The following PRKCQ variants were observed in gnomAD, a reference collection of about 807,000 sequenced individuals.
PRKCQ encodes the protein protein kinase C theta, also known as protein kinase C theta type.
PRKCQ carries 41 observed loss-of-function variants against 91.2 expected under a neutral mutation model. The ratio of observed to expected loss-of-function variants is 0.45; its 90% confidence interval spans 0.35 to 0.58. The LOEUF (loss-of-function observed/expected upper bound fraction) is 0.58, where lower values mean the gene tolerates loss of function less well. Ranked by LOEUF, PRKCQ falls within the 20% of genes least tolerant of loss-of-function variation. The pLI, the probability that PRKCQ is intolerant of heterozygous loss-of-function variation, is 0.00. For synonymous variants in PRKCQ, 307 were observed against 316.9 expected (o/e 0.97, Z 0.33); for missense variants, 673 against 896.5 (o/e 0.75, Z 3.18).
chr10:6,548,761 T>A (rs531293077), intron 1 of PRKCQ, among the ~76,000 whole-genome samples: 5 of 147,400 alleles, frequency 3.4e-5, no homozygotes, highest in African/African-American at 9.9e-5. Context: ...GAGGGATAGC[T>A]TTAGGAGATA....
chr10:6,513,554 A>T (rs750852701), intron 2 of PRKCQ, among the ~76,000 whole-genome samples: 2 of 152,152 alleles, frequency 1.3e-5, no homozygotes, highest in Non-Finnish European at 2.9e-5. Flanking sequence ...CGGCTTTGAA[A>T]AACTCAGACG....
chr10:6,434,978 G>C (rs1227195213), intron 16 of PRKCQ, among the ~76,000 whole-genome samples: 1 of 152,028 alleles, frequency 6.6e-6, no homozygotes, highest in African/African-American at 2.4e-5. Flanking sequence ...GCAGTGGCGC[G>C]ATCTCGGCTC....
In PRKCQ at chr10:6,531,269, G is replaced by A. The variant is rs546731301; in HGVS notation, c.-9-16125C>T. On this transcript the variant is annotated intron_variant, in intron 1 of 17. Coordinates refer to ENST00000263125, the MANE Select transcript of PRKCQ (RefSeq NM_006257.5). The stretch of plus-strand genomic sequence containing the variant: ...ACCAGGCCAGGCCAGCAGCTTTCTC[G>A]TTTCTATTTGCTCAGAATCCAGCAC... Among the ~76,000 whole-genome samples, 21 of 152,142 alleles carry A rather than the reference G, an allele frequency of 1.4e-4. No individual in the cohort carries two copies. In the South Asian group the frequency reaches 1.9e-3, roughly 14 times the overall value.
intron 1 of PRKCQ, among the ~76,000 whole-genome samples, chr10:6,518,655 C>G (rs1838870678): frequency 6.6e-6 from 1 of 152,006 alleles, no homozygotes; most frequent in African/African-American, 2.4e-5. Flanking sequence ...AACCCCCTCT[C>G]TACAAAAATA....
At chr10:6,405,802 G>A in the PRKCQ span, among the ~76,000 whole-genome samples, 8 of 152,200 alleles carry the variant, frequency 5.3e-5, no homozygotes, top group Non-Finnish European at 1.2e-4. Context: ...CGGGAGTGCT[G>A]GCTACTTTAT....
At chr10:6,426,518 T>C (rs188985460), downstream of PRKCQ, among the ~76,000 whole-genome samples, 79 of 152,314 alleles carry the variant, frequency 5.2e-4, no homozygotes, top group Non-Finnish European at 8.8e-4. Context: ...GTCATGGTGC[T>C]ATTTTCAGAA....
chr10:6,400,631 G>GAAA, the PRKCQ span, among the ~76,000 whole-genome samples: 17,882 of 135,952 alleles, frequency 0.13, 1,498 homozygotes, highest in Middle Eastern at 0.2. Flanking sequence ...CTTCCTTTCA[G>GAAA]AAAAAAAAAA....
chr10:6,394,999 G>C, the PRKCQ span, among the ~76,000 whole-genome samples: 2 of 151,016 alleles, frequency 1.3e-5, no homozygotes, highest in Non-Finnish European at 2.9e-5. Flanking sequence ...CAAGACGGGG[G>C]AATTGCAATA....
chr10:6,463,988 C>T (rs1250359509), intron 13 of PRKCQ, among the ~76,000 whole-genome samples: 1 of 151,800 alleles, frequency 6.6e-6, no homozygotes, highest in Non-Finnish European at 1.5e-5. Flanking sequence ...TCCCTGGGGA[C>T]CACCCTTGAG....
At chr10:6,529,720 G>C (rs1839323657) in intron 1 of PRKCQ, among the ~76,000 whole-genome samples, 1 of 152,180 alleles carries the variant, frequency 6.6e-6, no homozygotes, top group Non-Finnish European at 1.5e-5. Flanking sequence ...TTGGACAAGT[G>C]ACTTAATCTT....
chr10:6,571,101 G>GA (rs1841028751), intron 1 of PRKCQ, among the ~76,000 whole-genome samples: 2 of 152,164 alleles, frequency 1.3e-5, no homozygotes, highest in Admixed American at 1.3e-4. Context: ...GGGAGCTGGG[G>GA]AAGACAGAGA....
intron 1 of PRKCQ, among the ~76,000 whole-genome samples, chr10:6,531,686 G>A (rs1234731124): frequency 6.6e-6 from 1 of 151,988 alleles, no homozygotes; most frequent in South Asian, 2.1e-4. Flanking sequence ...CTCATTTAGG[G>A]ACCACACGTG....
the PRKCQ span, among the ~76,000 whole-genome samples, chr10:6,395,204 C>T: frequency 6.6e-6 from 1 of 151,912 alleles, no homozygotes; most frequent in Non-Finnish European, 1.5e-5. Flanking sequence ...GCTGGGACTA[C>T]AGGTGCCTGC....
chr10:6,408,904 G>A, the PRKCQ span, among the ~76,000 whole-genome samples: 4 of 152,202 alleles, frequency 2.6e-5, no homozygotes, highest in Non-Finnish European at 4.4e-5. Context: ...GAAGTGGAAC[G>A]GTGGTCATAG....
chr10:6,420,657 A>C, the PRKCQ span, among the ~76,000 whole-genome samples: 1 of 152,196 alleles, frequency 6.6e-6, no homozygotes, highest in African/African-American at 2.4e-5. Flanking sequence ...TAGATTGGCT[A>C]GTTATAGAAT....
At chr10:6,400,117 C>T in the PRKCQ span, among the ~76,000 whole-genome samples, 1 of 152,172 alleles carries the variant, frequency 6.6e-6, no homozygotes, top group Admixed American at 6.5e-5. Context: ...TAGAATGGGG[C>T]TCTGTTACTA....
intron 1 of PRKCQ, among the ~76,000 whole-genome samples, chr10:6,535,393 T>C (rs1839542813): frequency 6.6e-6 from 1 of 152,230 alleles, no homozygotes; most frequent in Non-Finnish European, 1.5e-5. Context: ...TAATAAGTTA[T>C]TTGTTTAGGT....
At chr10:6,424,099 C>G (rs1833064584), downstream of PRKCQ, among the ~76,000 whole-genome samples, 1 of 152,124 alleles carries the variant, frequency 6.6e-6, no homozygotes, top group Non-Finnish European at 1.5e-5. Flanking sequence ...TGTGTGTAAA[C>G]AAGCAAAATT....
the PRKCQ span, among the ~76,000 whole-genome samples, chr10:6,420,241 C>A: frequency 6.6e-6 from 1 of 152,132 alleles, no homozygotes; most frequent in Non-Finnish European, 1.5e-5. Context: ...CCCGCCTAGG[C>A]CTCGAAATCT....
Sources: allele counts gnomAD v4.1 joint callset (sites outside exome capture counted in the v4.1 genomes callset), GRCh38; gene constraint gnomAD v4.1.1; transcripts MANE v1.5; gene names NCBI Gene and HGNC (gene_info 2026-07-23, HGNC 2026-07-21).